The following ALG13 variants were observed in gnomAD, a reference collection of about 807,000 sequenced individuals.
ALG13 encodes ALG13 UDP-N-acetylglucosaminyltransferase subunit.
Under a neutral mutation model 87.8 loss-of-function variants are expected in ALG13, and 11 were observed. The observed-to-expected ratio is 0.13, with a 90% CI of 0.08 to 0.21. The LOEUF (loss-of-function observed/expected upper bound fraction) is 0.21, where lower values mean the gene tolerates loss of function less well. Ranked by LOEUF, ALG13 falls within the 10% of genes least tolerant of loss-of-function variation. The pLI is 1.00. For synonymous variants in ALG13, 320 were observed against 306.3 expected (o/e 1.04, Z -0.47); for missense variants, 756 against 866.1 (o/e 0.87, Z 1.60).
At chrX:111,758,849 C>T (rs1945493785) in intron 26 of ALG13, among the ~76,000 whole-genome samples, 1 of 111,529 alleles carries the variant, frequency 9.0e-6, no homozygotes, top group African/African-American at 3.3e-5. Flanking sequence ...CCTATAATCC[C>T]AGCACTTTGG....
chrX:111,716,688 A>G (rs1219765048), intron 8 of ALG13, among the ~76,000 whole-genome samples: 4 of 112,354 alleles, frequency 3.6e-5, no homozygotes, highest in African/African-American at 1.3e-4. Context: ...GTGATTTCCA[A>G]AAAGACAAGT....
rs184786368 is a variant in ALG13, at chrX:111,755,869, A to G, written c.2974-1719A>G. ...TGGAAGACAGTGTGGTAATTCCTCA[A>G]GGATCTAGAATGAGGAATACAATTT... On this transcript the variant is annotated intron_variant, in intron 25 of 26. Coordinates refer to ENST00000394780, the MANE Select transcript of ALG13 (RefSeq NM_001099922.3). Among the ~76,000 whole-genome samples the G allele has an allele frequency of 3.3e-4, 37 of 112,696 alleles. No individual in the cohort carries two copies. The Admixed American group carries it at 3.4e-3, about 10-fold the overall frequency.
intron 3 of ALG13, among the ~76,000 whole-genome samples, chrX:111,700,560 G>A (rs761241143): frequency 3.7e-5 from 4 of 107,953 alleles, no homozygotes; most frequent in Non-Finnish European, 7.7e-5. Flanking sequence ...AATCTGTTGA[G>A]AGGTGTTTTT....
At chrX:111,738,039 A>G (rs758974688) in intron 23 of ALG13, among the ~76,000 whole-genome samples, 1 of 112,826 alleles carries the variant, frequency 8.9e-6, no homozygotes, top group Non-Finnish European at 1.9e-5. Flanking sequence ...ATCCCTACAG[A>G]CAATGAAAAC....
intron 3 of ALG13, among the ~76,000 whole-genome samples, chrX:111,687,102 G>A (rs148761510): frequency 0.093 from 10,303 of 110,555 alleles, 1,143 homozygotes; most frequent in African/African-American, 0.31. Context: ...GCACCACCAT[G>A]CCTGGCCTAA....
At chrX:111,724,842 T>C (rs369298919) in intron 14 of ALG13, 92 bp from the exon 15 acceptor site, 1 of 955,570 alleles carries the variant, frequency 1.0e-6, no homozygotes, top group Non-Finnish European at 1.4e-6. Flanking sequence ...TTTAATAGAA[T>C]ACACTTGAAG....
At chrX:111,737,305 C>G (rs1386556453) in intron 23 of ALG13, among the ~76,000 whole-genome samples, 1 of 111,989 alleles carries the variant, frequency 8.9e-6, no homozygotes, top group African/African-American at 3.2e-5. Flanking sequence ...TTTAAAAGAT[C>G]TGGGTTAGAA....
At chrX:111,753,960 GAC>G (rs1258404888) in intron 25 of ALG13, among the ~76,000 whole-genome samples, 3 of 111,412 alleles carry the variant, frequency 2.7e-5, no homozygotes, top group Non-Finnish European at 5.7e-5. Context: ...ACCTGGCAGA[GAC>G]ACAACAAAAA....
At position 111,731,588 on chromosome X, in the gene ALG13, C is replaced by T. The variant is rs72619718; in HGVS notation, c.2457+1008C>T. On this transcript the variant is annotated intron_variant, in intron 21 of 26. Transcript: ENST00000394780. ...CTTGGCAACCGAGCAGCTTTCTAAG[C>T]TTGCTACTTACAGAAGATTGGAGGC... Among the ~76,000 whole-genome samples, 61 of 111,888 alleles carry T rather than the reference C, an allele frequency of 5.5e-4. No homozygotes were observed. In the East Asian group the frequency reaches 0.015, roughly 28 times the overall value.
chrX:111,709,075 A>G (rs1401121178), intron 5 of ALG13, 27 bp downstream of exon 5: 1 of 977,166 alleles, frequency 1.0e-6, no homozygotes, highest in African/African-American at 1.9e-5. Context: ...CCCAGGGGAG[A>G]ACTGGTAGAG....
Position 111,708,201 on chromosome X carries a change from T to C in ALG13, c.558T>C (p.Phe186=). The C allele has an allele frequency of 2.5e-6, 3 of 1,211,698 alleles. No individual in the cohort carries two copies. Among genetic ancestry groups the C allele is most frequent in the Non-Finnish European group, 3.4e-6 (3 of 895,372 alleles). Residue 186 remains phenylalanine (F), a synonymous_variant, in exon 4 of 27, where the codon TTT becomes TTC. Transcript: ENST00000394780. ...TATHPTCTLL[F]PSCHAFFPLP... Reference sequence around the variant, plus strand: ...CCCATCCTACCTGCACCCTGCTTTTTCCCTCTTGCCACGCTTTTTTTCCTC... The same window carrying C: ...CCCATCCTACCTGCACCCTGCTTTTCCCCTCTTGCCACGCTTTTTTTCCTC...
At chrX:111,708,480 A>G in intron 4 of ALG13, 87 bp downstream of exon 4, 4 of 1,061,523 alleles carry the variant, frequency 3.8e-6, no homozygotes, top group Non-Finnish European at 5.0e-6. Flanking sequence ...GAAACAAAAA[A>G]ATTCCCCTGC....
intron 24 of ALG13, among the ~76,000 whole-genome samples, chrX:111,750,042 T>C (rs192100070): frequency 1.8e-5 from 2 of 111,995 alleles, no homozygotes; most frequent in East Asian, 5.6e-4. Flanking sequence ...GTATGGCATT[T>C]ATGACTTTCC....
chrX:111,727,845 A>G (rs1475116343), intron 18 of ALG13, 75 bp downstream of exon 18: 2 of 1,005,391 alleles, frequency 2.0e-6, no homozygotes, highest in African/African-American at 1.9e-5. Flanking sequence ...GGCAATGTGG[A>G]TAAATTTTAG....
intron 11 of ALG13, 71 bp downstream of exon 11, chrX:111,720,241 G>A (rs1379627016): frequency 2.8e-5 from 20 of 722,934 alleles, no homozygotes; most frequent in South Asian, 3.9e-5. Context: ...ACTAGTTAAA[G>A]TCAGATATTA....
chrX:111,760,001 A>T lies in ALG13; in HGVS notation c.*2A>T, dbSNP rs1945611501. The T allele has an allele frequency of 8.3e-7, 1 of 1,205,868 alleles. No individual in the cohort carries two copies. Among genetic ancestry groups the T allele is most frequent in the African/African-American group, 1.7e-5 (1 of 57,147 alleles). ...CATTATGTACCTCAGGGTATGTAAGATCCAGCAGTATGAAGTATTCTTGCA... is the reference window on the plus strand; with the variant it reads ...CATTATGTACCTCAGGGTATGTAAGTTCCAGCAGTATGAAGTATTCTTGCA... On this transcript the variant is annotated 3_prime_UTR_variant, in exon 27 of 27. Coordinates refer to ENST00000394780, the MANE Select transcript of ALG13 (RefSeq NM_001099922.3).
intron 2 of ALG13, among the ~76,000 whole-genome samples, chrX:111,683,027 A>G (rs1933896808): frequency 9.2e-6 from 1 of 108,597 alleles, no homozygotes; most frequent in Non-Finnish European, 1.9e-5. Flanking sequence ...TTTAAAGTCT[A>G]GTTTGAGGAG....
chrX:111,688,337 C>T (rs1935482110), intron 3 of ALG13: 7 of 715,799 alleles, frequency 9.8e-6, no homozygotes, highest in Non-Finnish European at 1.2e-5. Flanking sequence ...TTTGATACTC[C>T]TTAGAATAAA....
In ALG13 at chrX:111,692,858, A is replaced by G. The variant is rs1936361406; in HGVS notation, c.383+7755A>G. ...GTCACCGAGGCTGGAGTGCAGTGGC[A>G]AGATATTGGCTCCTCTGCCTCCCCT... is the stretch of plus-strand genomic sequence containing the variant. On this transcript the variant is annotated intron_variant, in intron 3 of 26. Transcript: ENST00000394780. Among the ~76,000 whole-genome samples the G allele has an allele frequency of 2.7e-5, 3 of 111,614 alleles. No homozygotes were observed. The South Asian group carries it at 1.1e-3, about 43-fold the overall frequency.
Sources: gnomAD v4.1 joint callset for allele counts (sites outside exome capture counted in the v4.1 genomes callset) on GRCh38, gnomAD v4.1.1 for gene constraint, MANE v1.5 for transcripts, NCBI Gene and HGNC (gene_info 2026-07-23, HGNC 2026-07-21) for gene names.